Variants in SKAP1 observed in about 807,000 individuals in gnomAD.
SKAP1 encodes the protein src kinase-associated phosphoprotein 1.
SKAP1 carries 44 observed loss-of-function variants against 58.5 expected under a neutral mutation model. The observed-to-expected ratio is 0.75, with a 90% CI of 0.59 to 0.97. The LOEUF (loss-of-function observed/expected upper bound fraction) is 0.97. Among genes scored for constraint, SKAP1 ranks in the 50% least tolerant of loss-of-function variants. The probability of loss-of-function intolerance (pLI) is 0.00; values close to 1 mark genes in which losing one functional copy is unlikely to be tolerated. For synonymous variants in SKAP1, 127 were observed against 149.7 expected (o/e 0.85, Z 1.11); for missense variants, 390 against 435.2 (o/e 0.90, Z 0.92).
chr17:48,285,054 G>A (rs1472738296), intron 4 of SKAP1, among the ~76,000 whole-genome samples: 2 of 152,076 alleles, frequency 1.3e-5, no homozygotes, highest in South Asian at 2.1e-4. Flanking sequence ...CTCTTCTGAC[G>A]CACAGAGAGG....
chr17:48,422,996 A>G (rs2067814337), intron 1 of SKAP1, among the ~76,000 whole-genome samples: 1 of 152,224 alleles, frequency 6.6e-6, no homozygotes, highest in Admixed American at 6.5e-5. Flanking sequence ...ATGACAGAAT[A>G]AAACAGATGG....
chr17:48,156,758 T>C (rs1259495054), intron 11 of SKAP1, among the ~76,000 whole-genome samples: 1 of 152,200 alleles, frequency 6.6e-6, no homozygotes, highest in Non-Finnish European at 1.5e-5. Context: ...TGGTTACTGT[T>C]TCAGAGTTTG....
At chr17:48,219,606 T>C (rs868327604) in intron 4 of SKAP1, among the ~76,000 whole-genome samples, 10 of 152,190 alleles carry the variant, frequency 6.6e-5, no homozygotes, top group African/African-American at 2.4e-4. Context: ...TTTCATACTT[T>C]TGTGTGTTGG....
At chr17:48,411,154 C>T (rs2067660176) in intron 1 of SKAP1, among the ~76,000 whole-genome samples, 1 of 151,884 alleles carries the variant, frequency 6.6e-6, no homozygotes, top group Non-Finnish European at 1.5e-5. Context: ...AATCCCAGTA[C>T]TTTGGGAAGC....
At chr17:48,388,154 G>A (rs2067301458) in intron 2 of SKAP1, among the ~76,000 whole-genome samples, 1 of 151,992 alleles carries the variant, frequency 6.6e-6, no homozygotes, top group African/African-American at 2.4e-5. Context: ...TATATTATGG[G>A]GCTGGGCTTG....
chr17:48,329,813 A>G (rs1457233760), intron 4 of SKAP1, among the ~76,000 whole-genome samples: 1 of 152,180 alleles, frequency 6.6e-6, no homozygotes, highest in Non-Finnish European at 1.5e-5. Flanking sequence ...ACTTGATCAA[A>G]TCCTGCCTCT....
intron 4 of SKAP1, among the ~76,000 whole-genome samples, chr17:48,250,019 C>T (rs1190686877): frequency 2.0e-5 from 3 of 151,514 alleles, no homozygotes; most frequent in African/African-American, 7.3e-5. Flanking sequence ...AGTCTCTTAC[C>T]CTCACTCATG....
chr17:48,146,968 G>A (rs1432389070), intron 11 of SKAP1, among the ~76,000 whole-genome samples: 1 of 152,166 alleles, frequency 6.6e-6, no homozygotes, highest in Non-Finnish European at 1.5e-5. Flanking sequence ...GAGTTGTGGT[G>A]TCTTCTCACA....
intron 2 of SKAP1, among the ~76,000 whole-genome samples, chr17:48,389,165 G>C (rs1174654098): frequency 6.6e-6 from 1 of 152,206 alleles, no homozygotes; most frequent in East Asian, 1.9e-4. Context: ...ACAACAACAA[G>C]GCACCAGCAT....
intron 4 of SKAP1, among the ~76,000 whole-genome samples, chr17:48,264,943 C>T (rs2065527474): frequency 6.6e-6 from 1 of 152,132 alleles, no homozygotes. Context: ...AAGTCTGAAT[C>T]ACAAATGCCA....
At chr17:48,434,670 G>T (rs565904250), upstream of SKAP1, among the ~76,000 whole-genome samples, 116 of 152,242 alleles carry the variant, frequency 7.6e-4, 4 homozygotes, top group Admixed American at 7.0e-3. Flanking sequence ...TTCAAAGGGA[G>T]CAAATTCAAG....
At chr17:48,251,773 C>A (rs1255128606) in intron 4 of SKAP1, among the ~76,000 whole-genome samples, 3 of 152,126 alleles carry the variant, frequency 2.0e-5, no homozygotes, top group Non-Finnish European at 4.4e-5. Context: ...GACCTGCTGC[C>A]ACACATTCAA....
intron 11 of SKAP1, among the ~76,000 whole-genome samples, chr17:48,141,995 C>T (rs1042601100): frequency 1.2e-4 from 18 of 152,130 alleles, no homozygotes; most frequent in Admixed American, 7.9e-4. Flanking sequence ...AGTGCTGTGC[C>T]CTGTGCTTTC....
chr17:48,424,127 A>G (rs200472263), intron 1 of SKAP1, among the ~76,000 whole-genome samples: 2 of 152,112 alleles, frequency 1.3e-5, no homozygotes, highest in East Asian at 3.9e-4. Context: ...CGGCAGATTC[A>G]GTCTCTGCTG....
intron 1 of SKAP1, among the ~76,000 whole-genome samples, chr17:48,401,626 A>G (rs1367022401): frequency 6.6e-6 from 1 of 152,206 alleles, no homozygotes. Context: ...TTAACTAAAA[A>G]TGGATCAAAG....
intron 4 of SKAP1, among the ~76,000 whole-genome samples, chr17:48,250,714 A>C (rs376615304): frequency 6.6e-6 from 1 of 152,156 alleles, no homozygotes; most frequent in African/African-American, 2.4e-5. Flanking sequence ...TTATTTTTAT[A>C]ATCATCTCTG....
At chr17:48,378,441 C>T (rs959779981) in intron 2 of SKAP1, among the ~76,000 whole-genome samples, 1 of 152,130 alleles carries the variant, frequency 6.6e-6, no homozygotes, top group Non-Finnish European at 1.5e-5. Context: ...GGTAAACCTC[C>T]AATAAATGTC....
chr17:48,239,850 C>CAGAGAGAGAGAGAGAGAGAG (rs71141976), intron 4 of SKAP1, among the ~76,000 whole-genome samples: 1 of 129,774 alleles, frequency 7.7e-6, no homozygotes, highest in Non-Finnish European at 1.6e-5. Context: ...GAGAGAGAGA[C>CAGAGAGAGAGAGAGAGAGAG]AGAGAGAGAG....
At chr17:48,429,595 C>T (rs1567911029) in intron 1 of SKAP1, among the ~76,000 whole-genome samples, 3 of 152,194 alleles carry the variant, frequency 2.0e-5, no homozygotes, top group African/African-American at 7.2e-5. Flanking sequence ...CGTCAACCAC[C>T]TGGCCTTGGC....
Sources: allele counts gnomAD v4.1 joint callset (sites outside exome capture counted in the v4.1 genomes callset), GRCh38; gene constraint gnomAD v4.1.1; transcripts MANE v1.5; gene names NCBI Gene and HGNC (gene_info 2026-07-23, HGNC 2026-07-21).